MGST1: variants seen among roughly 807,000 people sequenced by gnomAD.
MGST1 encodes microsomal glutathione S-transferase 1.
A neutral mutation model predicts 8.9 loss-of-function variants in MGST1; 5 were observed. The ratio of observed to expected loss-of-function variants is 0.56; its 90% CI spans 0.29 to 1.19. MGST1 has a LOEUF of 1.19. Among genes scored for constraint, MGST1 ranks in the 50% most tolerant of loss-of-function variants. MGST1 has a pLI of 0.08. For missense variants in MGST1, 182 were observed against 187.4 expected (o/e 0.97, Z 0.17); for synonymous variants, 54 against 67.8 (o/e 0.80, Z 1.00).
intron 4 of MGST1, among the ~76,000 whole-genome samples, chr12:16,483,452 G>A (rs1266314272): frequency 6.6e-6 from 1 of 151,904 alleles, no homozygotes; most frequent in Non-Finnish European, 1.5e-5. Context: ...TAATCCAATG[G>A]CAAAACAAAC....
chr12:16,555,075 T>C lies in MGST1; in HGVS notation n.483-34453T>C, dbSNP rs916017774. 8.5e-5 allele frequency among the ~76,000 whole-genome samples: 13 copies of C among 152,244 alleles called. No homozygotes were observed. The highest frequency in any genetic ancestry group is 3.1e-4 in the African/African-American group (13 of 41,470). On this transcript the variant is annotated intron_variant and non_coding_transcript_variant, in intron 4 of 4. Coordinates refer to the MGST1 transcript ENST00000538857. This position sits in a 1 kb window ranked among gnomAD's most constrained non-coding sequence, Gnocchi z 5.5. ...CAAATGAAGCTAATAACTACCTATT[T>C]ATGGGATATTTTGAGTATTAAACGA... is the stretch of plus-strand genomic sequence containing the variant.
chr12:16,550,776 A>T (rs1034753931), intron 4 of MGST1: 1 of 153,512 alleles, frequency 6.5e-6, no homozygotes, highest in East Asian at 1.9e-4. Flanking sequence ...GTTACAGCTC[A>T]TTTAAAATAG....
intron 1 of MGST1, among the ~76,000 whole-genome samples, chr12:16,383,905 T>G (rs2160513): frequency 0.6 from 91,899 of 152,104 alleles, 28,547 homozygotes; most frequent in East Asian, 0.96. Context: ...ATCTCTTTCT[T>G]AAACCATACA....
intron 1 of MGST1, among the ~76,000 whole-genome samples, chr12:16,432,853 A>G (rs1299935929): frequency 3.9e-5 from 6 of 152,166 alleles, no homozygotes; most frequent in Middle Eastern, 3.4e-3. Context: ...TGACAAGACC[A>G]AAGAGCTGAA....
intron 4 of MGST1, among the ~76,000 whole-genome samples, chr12:16,484,481 C>G (rs889215294): frequency 1.8e-4 from 28 of 152,054 alleles, no homozygotes; most frequent in African/African-American, 5.1e-4. Context: ...ATACCTGAAA[C>G]TGGGTAGATG....
rs1335106058 is a variant in MGST1, at chr12:16,357,589, C to T, written c.127-16C>T. The T allele has an allele frequency of 1.9e-6, 3 of 1,597,138 alleles. No individual in the cohort carries two copies. Among genetic ancestry groups the T allele is most frequent in the Admixed American group, 1.8e-5 (1 of 56,966 alleles). The stretch of plus-strand genomic sequence containing the variant: ...CCAGTATTTGAAATAAGTTTTTTTT[C>T]TTGGTATTTGGATAGGTTTTTGCCA... On this transcript the variant is annotated splice_polypyrimidine_tract_variant and intron_variant, in intron 2 of 3. Transcript: ENST00000396210.
exon 4 of MGST1, chr12:16,377,126 C>A (rs530796639): frequency 2.0e-5 from 3 of 151,802 alleles, no homozygotes; most frequent in African/African-American, 4.8e-5. Context: ...TCAAATACTC[C>A]AGTTTTTTGT....
At chr12:16,506,061 T>C (rs1158332614) in intron 4 of MGST1, among the ~76,000 whole-genome samples, 1 of 152,248 alleles carries the variant, frequency 6.6e-6, no homozygotes, top group Non-Finnish European at 1.5e-5. Context: ...AAGTATGATG[T>C]AAGATAAAAC....
intron 4 of MGST1, among the ~76,000 whole-genome samples, chr12:16,457,790 G>A (rs1455758386): frequency 6.6e-6 from 1 of 151,956 alleles, no homozygotes; most frequent in African/African-American, 2.4e-5. Flanking sequence ...AACTGCCTAT[G>A]AAATTTTCAT....
chr12:16,384,783 G>T (rs1250542571), intron 1 of MGST1, among the ~76,000 whole-genome samples: 1 of 152,234 alleles, frequency 6.6e-6, no homozygotes, highest in Non-Finnish European at 1.5e-5. Context: ...GCAGGGGTGA[G>T]TTCCAGAGAG....
At chr12:16,406,736 A>AC (rs1269709674) in intron 1 of MGST1, among the ~76,000 whole-genome samples, 1 of 152,126 alleles carries the variant, frequency 6.6e-6, no homozygotes, top group East Asian at 1.9e-4. Flanking sequence ...AAAATAGAGA[A>AC]CCCAGAAATA....
At chr12:16,349,946 A>G (rs1456818748) in intron 1 of MGST1, among the ~76,000 whole-genome samples, 2 of 152,046 alleles carry the variant, frequency 1.3e-5, no homozygotes, top group Non-Finnish European at 2.9e-5. Context: ...GGGTTTCACC[A>G]TGTTAGCCAG....
At chr12:16,558,722 T>C (rs1942282698) in intron 4 of MGST1, among the ~76,000 whole-genome samples, 1 of 152,122 alleles carries the variant, frequency 6.6e-6, no homozygotes, top group Non-Finnish European at 1.5e-5. Context: ...TAGGCAACAA[T>C]CTGAATATCT....
At chr12:16,402,722 C>G (rs1940667936) in intron 1 of MGST1, among the ~76,000 whole-genome samples, 1 of 151,802 alleles carries the variant, frequency 6.6e-6, no homozygotes, top group South Asian at 2.1e-4. Context: ...TCAGCTTTTT[C>G]TTGACTAGTC....
At chr12:16,473,064 G>A (rs927573933) in intron 4 of MGST1, among the ~76,000 whole-genome samples, 1 of 152,156 alleles carries the variant, frequency 6.6e-6, no homozygotes, top group African/African-American at 2.4e-5. Flanking sequence ...AGCTTGGCAA[G>A]ATTTTATCCA....
At chr12:16,568,883 C>A (rs897013789) in intron 4 of MGST1, among the ~76,000 whole-genome samples, 1 of 152,054 alleles carries the variant, frequency 6.6e-6, no homozygotes, top group Non-Finnish European at 1.5e-5. Context: ...TGAAATCCAT[C>A]CTAGAAATCT....
intron 4 of MGST1, among the ~76,000 whole-genome samples, chr12:16,540,066 T>TGACA (rs1941783725): frequency 6.6e-6 from 1 of 152,206 alleles, no homozygotes; most frequent in Non-Finnish European, 1.5e-5. Context: ...AATATATAGC[T>TGACA]GACACTCTTA....
intron 1 of MGST1, chr12:16,399,168 G>C (rs762891874): frequency 1.7e-6 from 2 of 1,172,118 alleles, no homozygotes; most frequent in Non-Finnish European, 2.4e-6. Flanking sequence ...AAACACAAAT[G>C]GCAAAACTTC....
intron 4 of MGST1, among the ~76,000 whole-genome samples, chr12:16,499,347 GTC>G (rs954249057): frequency 2.8e-4 from 42 of 152,142 alleles, no homozygotes; most frequent in African/African-American, 1.0e-3. Flanking sequence ...TTTTCAGGCA[GTC>G]TCTCTCTTCC....
Sources: allele counts gnomAD v4.1 joint callset (sites outside exome capture counted in the v4.1 genomes callset), GRCh38; gene constraint gnomAD v4.1.1; non-coding constraint Gnocchi (gnomAD v3.1); transcripts MANE v1.5; gene names NCBI Gene and HGNC (gene_info 2026-07-23, HGNC 2026-07-21).